PRKAR1B: variants seen among roughly 807,000 people sequenced by gnomAD.
The protein encoded by PRKAR1B is cAMP-dependent protein kinase type I-beta regulatory subunit.
A neutral mutation model predicts 46.5 loss-of-function variants in PRKAR1B; 22 were observed. The ratio of observed to expected loss-of-function variants is 0.47; its 90% CI spans 0.34 to 0.68. PRKAR1B has a LOEUF of 0.68. PRKAR1B is among the 30% of genes least tolerant of loss of function. The pLI is 0.01. For synonymous variants in PRKAR1B, 259 were observed against 217.7 expected (o/e 1.19, Z -1.67); for missense variants, 445 against 535.6 (o/e 0.83, Z 1.67).
chr7:693,344 G>C (rs1583428374), intron 2 of PRKAR1B, among the ~76,000 whole-genome samples: 1 of 151,772 alleles, frequency 6.6e-6, no homozygotes, highest in South Asian at 2.1e-4. Flanking sequence ...ACCGTGCTGT[G>C]CAACCACCAC....
At chr7:698,542 A>G (rs1172923754) in intron 2 of PRKAR1B, among the ~76,000 whole-genome samples, 3 of 152,078 alleles carry the variant, frequency 2.0e-5, no homozygotes. Flanking sequence ...GAACATGTAC[A>G]TATCCAACTA....
chr7:726,600 G>C, intron 1 of PRKAR1B: 4 of 753,284 alleles, frequency 5.3e-6, no homozygotes, highest in East Asian at 3.5e-5. Context: ...GCCCACGTGC[G>C]CACCGGCGGG....
At position 606,261 on chromosome 7, in the gene PRKAR1B, AACAGAT is replaced by A. The variant is rs371951639; in HGVS notation, c.503-28_503-23del. ...TTCCCTGTAACAAAAGAAGAAAGTC[AACAGAT>A]ACAAAGTACATCCAGACATACAAGT... On this transcript the variant is annotated intron_variant, in intron 5 of 10. Coordinates refer to ENST00000537384, the MANE Select transcript of PRKAR1B (RefSeq NM_001164760.2). 14 of 1,610,854 alleles carry A rather than the reference AACAGAT, an allele frequency of 8.7e-6. No homozygotes were observed. In the African/African-American group the frequency reaches 1.6e-4, roughly 18 times the overall value.
In PRKAR1B at chr7:714,834, G is replaced by A. The variant is rs768290041; in HGVS notation, c.-22-3307C>T. Among the ~76,000 whole-genome samples the A allele has an allele frequency of 1.2e-4, 19 of 152,196 alleles. No homozygotes were observed. The highest frequency in any genetic ancestry group is 2.1e-4 in the South Asian group (1 of 4,834). On this transcript the variant is annotated intron_variant, in intron 1 of 10. Coordinates refer to ENST00000537384, the MANE Select transcript of PRKAR1B (RefSeq NM_001164760.2). This position sits in a 1 kb window ranked among gnomAD's most constrained non-coding sequence, Gnocchi z 4.3. The stretch of plus-strand genomic sequence containing the variant: ...ATCCTAGAGAAATGGAGCCACGGCC[G>A]TCCTCAAACCAAACCTGAGGCCCTT...
intron 4 of PRKAR1B, among the ~76,000 whole-genome samples, chr7:663,190 A>G (rs78497716): frequency 0.01 from 1,594 of 152,280 alleles, 31 homozygotes; most frequent in East Asian, 0.1. Flanking sequence ...TGAGACAACC[A>G]GACAATAATC....
chr7:663,452 G>A (rs549016536), intron 4 of PRKAR1B, among the ~76,000 whole-genome samples: 2 of 152,088 alleles, frequency 1.3e-5, no homozygotes, highest in Non-Finnish European at 2.9e-5. Flanking sequence ...GCCCAGGCTG[G>A]TCTCAAACTC....
intron 6 of PRKAR1B, among the ~76,000 whole-genome samples, chr7:597,051 C>T (rs574561047): frequency 1.0e-3 from 152 of 152,372 alleles, no homozygotes; most frequent in African/African-American, 3.1e-3. Context: ...CAGTTGGGTC[C>T]GTGCAAGAAT....
chr7:608,663 A>G (rs67458242), intron 4 of PRKAR1B, among the ~76,000 whole-genome samples: 16,712 of 36,002 alleles, frequency 0.46, 2,295 homozygotes, highest in Admixed American at 0.47. Flanking sequence ...CTGGGGAGGG[A>G]TCAGTGTGTG....
At chr7:558,773 G>T (rs1455224678) in intron 9 of PRKAR1B, among the ~76,000 whole-genome samples, 1 of 152,130 alleles carries the variant, frequency 6.6e-6, no homozygotes, top group Non-Finnish European at 1.5e-5. Context: ...AAAAAAAGAA[G>T]AAGGAAAACC....
chr7:663,899 G>T (rs1157081711), intron 4 of PRKAR1B, among the ~76,000 whole-genome samples: 1 of 152,180 alleles, frequency 6.6e-6, no homozygotes, highest in African/African-American at 2.4e-5. Context: ...GCAGACAGGT[G>T]GGCGTGCAGG....
At chr7:620,903 T>G (rs544730901) in intron 4 of PRKAR1B, among the ~76,000 whole-genome samples, 3 of 152,372 alleles carry the variant, frequency 2.0e-5, no homozygotes, top group Admixed American at 6.5e-5. Context: ...TTAGCATGTT[T>G]GCTCTGTGTT....
At chr7:585,843 C>T (rs143336376) in intron 7 of PRKAR1B, among the ~76,000 whole-genome samples, 1 of 152,156 alleles carries the variant, frequency 6.6e-6, no homozygotes, top group Admixed American at 6.5e-5. Flanking sequence ...AAGCTGCCCC[C>T]GCCTCTCAAC....
At chr7:719,059 GAGA>G (rs1222631748) in intron 1 of PRKAR1B, among the ~76,000 whole-genome samples, 1 of 150,710 alleles carries the variant, frequency 6.6e-6, no homozygotes, top group Non-Finnish European at 1.5e-5. Context: ...TTTTTCTTTT[GAGA>G]AGGAGTCTTG....
At chr7:562,617 T>C (rs1432636474) in intron 9 of PRKAR1B, among the ~76,000 whole-genome samples, 1 of 152,112 alleles carries the variant, frequency 6.6e-6, no homozygotes, top group Non-Finnish European at 1.5e-5. Context: ...CTCACACCCT[T>C]TCCTCCATTA....
chr7:634,994 C>T (rs951292898), intron 4 of PRKAR1B, among the ~76,000 whole-genome samples: 2 of 152,088 alleles, frequency 1.3e-5, no homozygotes, highest in African/African-American at 2.4e-5. Flanking sequence ...TAACAGTATG[C>T]GAATGTAGAA....
At chr7:601,898 G>A (rs557242952) in intron 6 of PRKAR1B, among the ~76,000 whole-genome samples, 55 of 152,042 alleles carry the variant, frequency 3.6e-4, no homozygotes, top group African/African-American at 1.2e-3. Context: ...GGCTGGGGAG[G>A]GGTAGGGACG....
At chr7:575,765 G>A (rs1166072825) in intron 9 of PRKAR1B, among the ~76,000 whole-genome samples, 1 of 152,066 alleles carries the variant, frequency 6.6e-6, no homozygotes, top group Non-Finnish European at 1.5e-5. Flanking sequence ...AGTAGAGATG[G>A]GGTCTCACTA....
intron 4 of PRKAR1B, among the ~76,000 whole-genome samples, chr7:638,398 T>C (rs1027124695): frequency 6.6e-6 from 1 of 152,130 alleles, no homozygotes; most frequent in African/African-American, 2.4e-5. Context: ...GGCTGACAGA[T>C]CGTCCCCCGG....
intron 4 of PRKAR1B, among the ~76,000 whole-genome samples, chr7:622,035 C>T (rs1366974780): frequency 6.6e-6 from 1 of 152,266 alleles, no homozygotes; most frequent in Non-Finnish European, 1.5e-5. Flanking sequence ...CTTCACCACT[C>T]TGGCTTTTTT....
Sources: allele counts gnomAD v4.1 joint callset (sites outside exome capture counted in the v4.1 genomes callset), GRCh38; gene constraint gnomAD v4.1.1; non-coding constraint Gnocchi (gnomAD v3.1); transcripts MANE v1.5; gene names NCBI Gene and HGNC (gene_info 2026-07-23, HGNC 2026-07-21).